SUGCT: variants seen among roughly 807,000 people sequenced by gnomAD.
SUGCT encodes succinyl-CoA:glutarate CoA-transferase.
In SUGCT, 41 loss-of-function variants were observed where a neutral mutation model predicts 55.0. That is an observed-to-expected ratio of 0.74 (90% CI 0.58 to 0.97). The LOEUF (loss-of-function observed/expected upper bound fraction) is 0.97. Ranked by LOEUF, SUGCT falls within the 50% of genes least tolerant of loss-of-function variation. SUGCT has a pLI of 0.00. For missense variants in SUGCT, 568 were observed against 547.8 expected (o/e 1.04, Z -0.37); for synonymous variants, 187 against 200.4 (o/e 0.93, Z 0.56).
the SUGCT span, among the ~76,000 whole-genome samples, chr7:40,890,297 T>C: frequency 7.7e-5 from 10 of 130,240 alleles, no homozygotes; most frequent in South Asian, 9.8e-4. Context: ...TATTATATAA[T>C]ATAAATTAAA....
the SUGCT span, among the ~76,000 whole-genome samples, chr7:40,929,622 G>A: frequency 1.3e-5 from 2 of 152,138 alleles, no homozygotes; most frequent in Admixed American, 6.5e-5. Flanking sequence ...TCTAACTGGT[G>A]TGAGATGGTA....
At position 40,423,735 on chromosome 7, in the gene SUGCT, A is replaced by T. The variant is rs376097546; in HGVS notation, c.817-25552A>T. On this transcript the variant is annotated intron_variant, in intron 9 of 13. Coordinates refer to ENST00000335693, the MANE Select transcript of SUGCT (RefSeq NM_001193313.2). ...CTATATGTGTATGTTTTCACAGGAT[A>T]CTATTGAAAAGGTAATGGAAAATTA... 1.3e-4 allele frequency among the ~76,000 whole-genome samples: 20 copies of T among 152,286 alleles called. No homozygotes were observed. The South Asian group carries it at 3.7e-3, about 28-fold the overall frequency.
intron 7 of SUGCT, among the ~76,000 whole-genome samples, chr7:40,270,087 G>C (rs1200450566): frequency 7.2e-6 from 1 of 139,674 alleles, no homozygotes; most frequent in Non-Finnish European, 1.5e-5. Context: ...AGTGAGCCGA[G>C]ATTACACCAT....
chr7:40,246,335 C>T (rs1436941272), intron 7 of SUGCT, among the ~76,000 whole-genome samples: 2 of 151,766 alleles, frequency 1.3e-5, no homozygotes, highest in Non-Finnish European at 2.9e-5. Context: ...CTGCAACATC[C>T]GTCTCCAGGG....
At chr7:40,778,378 C>T (rs1472837726) in intron 13 of SUGCT, among the ~76,000 whole-genome samples, 2 of 152,214 alleles carry the variant, frequency 1.3e-5, no homozygotes, top group Non-Finnish European at 2.9e-5. Flanking sequence ...CTTCAGAGAG[C>T]TCACAATAGG....
At chr7:40,616,094 T>C (rs1002817903) in intron 12 of SUGCT, among the ~76,000 whole-genome samples, 2 of 152,236 alleles carry the variant, frequency 1.3e-5, no homozygotes, top group Non-Finnish European at 2.9e-5. Flanking sequence ...ATGTGGTTAA[T>C]AATTATTGAA....
chr7:40,400,192 A>G (rs1785986193), intron 9 of SUGCT, among the ~76,000 whole-genome samples: 1 of 152,144 alleles, frequency 6.6e-6, no homozygotes, highest in Non-Finnish European at 1.5e-5. Context: ...ATCAATTGAG[A>G]TGATAATATG....
chr7:40,759,666 T>A (rs1315620467), intron 13 of SUGCT, among the ~76,000 whole-genome samples: 1 of 152,106 alleles, frequency 6.6e-6, no homozygotes, highest in African/African-American at 2.4e-5. Flanking sequence ...CTTACTTACA[T>A]TAGTCTCTAA....
rs144947312 is a variant in SUGCT, at chr7:40,560,275, C to CAT, written c.1089+63899_1089+63900dup. ...ACACACATGTGCATGCATGCATGCA[C>CAT]ATATATATATACATGTGCACATCAT... is the stretch of plus-strand genomic sequence containing the variant. On this transcript the variant is annotated intron_variant, in intron 12 of 13. Coordinates refer to ENST00000335693, the MANE Select transcript of SUGCT (RefSeq NM_001193313.2). Among the ~76,000 whole-genome samples the CAT allele has an allele frequency of 2.8e-3, 421 of 152,010 alleles. 2 individuals are homozygous for CAT. Among genetic ancestry groups the CAT allele is most frequent in the African/African-American group, 8.7e-3 (360 of 41,482 alleles).
At chr7:40,665,299 A>G (rs995981853) in intron 12 of SUGCT, among the ~76,000 whole-genome samples, 2 of 150,618 alleles carry the variant, frequency 1.3e-5, no homozygotes, top group African/African-American at 2.4e-5. Flanking sequence ...AGAATTAGCC[A>G]AGCATTGTGG....
chr7:40,260,461 G>C (rs372417976), intron 7 of SUGCT, among the ~76,000 whole-genome samples: 9 of 152,128 alleles, frequency 5.9e-5, no homozygotes, highest in East Asian at 5.8e-4. Flanking sequence ...CCATAGCTAT[G>C]GCACTTGATT....
At chr7:40,230,470 C>A (rs563939202) in intron 6 of SUGCT, among the ~76,000 whole-genome samples, 2 of 152,250 alleles carry the variant, frequency 1.3e-5, no homozygotes, top group Admixed American at 1.3e-4. Context: ...ATTCGAAAGG[C>A]TTTTGTAGCC....
At chr7:40,185,064 G>GT (rs1350723857) in intron 3 of SUGCT, among the ~76,000 whole-genome samples, 1 of 152,224 alleles carries the variant, frequency 6.6e-6, no homozygotes, top group Non-Finnish European at 1.5e-5. Flanking sequence ...GTCTTAGGCA[G>GT]TAGAAGTGCC....
intron 12 of SUGCT, among the ~76,000 whole-genome samples, chr7:40,719,974 T>G (rs932061506): frequency 1.3e-5 from 2 of 152,066 alleles, no homozygotes; most frequent in Non-Finnish European, 2.9e-5. Context: ...TTTTGTATTT[T>G]TAGTAGAGAT....
chr7:40,898,034 T>A, the SUGCT span, among the ~76,000 whole-genome samples: 1 of 152,124 alleles, frequency 6.6e-6, no homozygotes, highest in Non-Finnish European at 1.5e-5. Flanking sequence ...TCTTTCGCTT[T>A]TCAGATAAAT....
At chr7:40,324,589 C>T (rs1795936726) in intron 9 of SUGCT, among the ~76,000 whole-genome samples, 1 of 152,056 alleles carries the variant, frequency 6.6e-6, no homozygotes, top group South Asian at 2.1e-4. Flanking sequence ...AGCCCACCAA[C>T]CTTTCTTTGA....
chr7:40,676,497 GTTTTTTGTTTTTT>G (rs1388621857), intron 12 of SUGCT, among the ~76,000 whole-genome samples: 2 of 127,642 alleles, frequency 1.6e-5, no homozygotes, highest in Non-Finnish European at 3.2e-5. Flanking sequence ...TTGCGGTTTT[GTTTTTTGTTTTTT>G]TTTTTTTTTT....
At chr7:40,795,824 G>A (rs975858884) in intron 13 of SUGCT, among the ~76,000 whole-genome samples, 1 of 152,146 alleles carries the variant, frequency 6.6e-6, no homozygotes, top group African/African-American at 2.4e-5. Context: ...GGGAACTTGG[G>A]AAGGTGAAGT....
chr7:40,290,984 A>G (rs1319666575), intron 8 of SUGCT, among the ~76,000 whole-genome samples: 1 of 152,202 alleles, frequency 6.6e-6, no homozygotes, highest in East Asian at 1.9e-4. Context: ...TAGAATGGCG[A>G]TCATTAAAAG....
Sources: allele counts gnomAD v4.1 joint callset (sites outside exome capture counted in the v4.1 genomes callset), GRCh38; gene constraint gnomAD v4.1.1; transcripts MANE v1.5; gene names NCBI Gene and HGNC (gene_info 2026-07-23, HGNC 2026-07-21).